The following HACD3 variants were observed in gnomAD, a reference collection of about 807,000 sequenced individuals.
HACD3 encodes very-long-chain (3R)-3-hydroxyacyl-CoA dehydratase 3.
HACD3 carries 30 observed loss-of-function variants against 55.2 expected under a neutral mutation model. The observed-to-expected ratio is 0.54, with a 90% CI of 0.41 to 0.74. The LOEUF is 0.74. HACD3 is among the 30% of genes least tolerant of loss of function. The pLI is 0.00. For missense variants in HACD3, 363 were observed against 440.1 expected (o/e 0.82, Z 1.57); for synonymous variants, 141 against 151.7 (o/e 0.93, Z 0.52).
chr15:65,548,534 T>A (rs1004496187), intron 1 of HACD3, among the ~76,000 whole-genome samples: 44 of 144,242 alleles, frequency 3.1e-4, no homozygotes, highest in African/African-American at 1.0e-3. Context: ...AAAAAAAAGA[T>A]GATTAAGATG....
intron 1 of HACD3, chr15:65,534,221 C>T (rs1279307826): frequency 1.3e-5 from 2 of 152,234 alleles, no homozygotes; most frequent in African/African-American, 4.8e-5. Flanking sequence ...GCATGACCCA[C>T]AGCTTATGTG....
chr15:65,573,883 A>G (rs2072375797), intron 10 of HACD3, among the ~76,000 whole-genome samples: 2 of 152,354 alleles, frequency 1.3e-5, no homozygotes, highest in South Asian at 2.1e-4. Context: ...ACTGATTATC[A>G]TACATAGAAC....
chr15:65,537,765 C>G (rs2071968982), intron 1 of HACD3, among the ~76,000 whole-genome samples: 1 of 104,280 alleles, frequency 9.6e-6, no homozygotes, highest in Non-Finnish European at 1.7e-5. Context: ...TGCACTCCAG[C>G]CTGGGCAATA....
chr15:65,551,509 G>C (rs2141212958), intron 1 of HACD3, among the ~76,000 whole-genome samples, 167 bp from the exon 2 acceptor site: 1 of 152,342 alleles, frequency 6.6e-6, no homozygotes, highest in Admixed American at 6.5e-5. Flanking sequence ...CAGACATAGA[G>C]AAAGCCTACA....
At position 65,530,604 on chromosome 15, in the gene HACD3, G is replaced by A. The variant is rs1043536952; in HGVS notation, c.-28G>A. ...GAGGCAGCGAGGCGCAGCGAGCCTA[G>A]CCTCCCCGCGCCCTGGGCAGTGTGG... On this transcript the variant is annotated 5_prime_UTR_variant, in exon 1 of 11. Transcript: ENST00000261875. 6.4e-7 allele frequency: 1 copy of A among 1,552,120 alleles called. No individual in the cohort carries two copies. The highest frequency in any genetic ancestry group is 1.4e-5 in the African/African-American group (1 of 72,662).
chr15:65,549,641 C>G (rs1042613961), intron 1 of HACD3, among the ~76,000 whole-genome samples: 3 of 150,518 alleles, frequency 2.0e-5, no homozygotes, highest in African/African-American at 7.3e-5. Flanking sequence ...CAAGACCCAC[C>G]AAAGGTGTAA....
chr15:65,547,990 CTG>C (rs975207425), intron 1 of HACD3, among the ~76,000 whole-genome samples: 16 of 152,146 alleles, frequency 1.1e-4, no homozygotes, highest in African/African-American at 3.6e-4. Flanking sequence ...AGGAAGGAAA[CTG>C]TTGATTCTGA....
chr15:65,573,607 CAA>C (rs11375279), intron 10 of HACD3, among the ~76,000 whole-genome samples: 1 of 144,390 alleles, frequency 6.9e-6, no homozygotes. Flanking sequence ...GACTCTGTCT[CAA>C]AAAAAAAAAA....
At chr15:65,572,410 T>TA in intron 10 of HACD3, 44 bp downstream of exon 10, 1 of 1,468,656 alleles carries the variant, frequency 6.8e-7, no homozygotes, top group South Asian at 1.3e-5. Flanking sequence ...TGTCACTTCT[T>TA]AGACAGTAGA....
Position 65,562,776 on chromosome 15 carries a change from C to A in HACD3, c.424C>A (p.Leu142Ile). 1 of 1,613,468 alleles carries A rather than the reference C, an allele frequency of 6.2e-7. No individual in the cohort carries two copies. The highest frequency in any genetic ancestry group is 2.2e-5 in the East Asian group (1 of 44,842). ...TACTGCTTTGCTTTGCTTTACAGCTCTTACAAACTTAAGGAAAGGATACCT... is the reference window on the plus strand; with the variant it reads ...TACTGCTTTGCTTTGCTTTACAGCTATTACAAACTTAAGGAAAGGATACCT... The part of the protein sequence containing the change: ...RLESEGSPET[L>I]TNLRKGYLFM... Residue 142 changes from leucine (L) to isoleucine (I), a missense_variant and splice_region_variant, in exon 6 of 11, where the codon CTT becomes ATT. Transcript: ENST00000261875.
Position 65,571,670 on chromosome 15 carries a change from CTT to C in HACD3, c.880+17_880+18del. ...TTGGCGGAAGGTACTCTCAGGGACT[CTT>C]AGCTTTCATAGCTTAGCTCCAGGGG... is the stretch of plus-strand genomic sequence containing the variant. On this transcript the variant is annotated intron_variant, in intron 9 of 10. Coordinates refer to ENST00000261875, the MANE Select transcript of HACD3 (RefSeq NM_016395.4). 1.9e-6 allele frequency: 3 copies of C among 1,586,826 alleles called. No homozygotes were observed. Among genetic ancestry groups the C allele is most frequent in the Non-Finnish European group, 2.6e-6 (3 of 1,155,688 alleles).
At chr15:65,554,150 G>C (rs1342829314) in intron 2 of HACD3, among the ~76,000 whole-genome samples, 1 of 152,196 alleles carries the variant, frequency 6.6e-6, no homozygotes, top group East Asian at 1.9e-4. Flanking sequence ...GTACCCTGCA[G>C]TCAAGATGAT....
intron 1 of HACD3, among the ~76,000 whole-genome samples, chr15:65,549,010 T>C (rs2072104898): frequency 6.6e-6 from 1 of 152,202 alleles, no homozygotes; most frequent in Admixed American, 6.5e-5. Context: ...TATAGGTGCA[T>C]GGCACCGGGC....
intron 8 of HACD3, among the ~76,000 whole-genome samples, chr15:65,570,566 G>T (rs2072338075): frequency 6.6e-6 from 1 of 152,194 alleles, no homozygotes; most frequent in African/African-American, 2.4e-5. Context: ...AGGTTGGATA[G>T]AACTAATTTA....
At chr15:65,563,811 A>G (rs2072265795) in intron 6 of HACD3, among the ~76,000 whole-genome samples, 1 of 152,160 alleles carries the variant, frequency 6.6e-6, no homozygotes, top group Admixed American at 6.5e-5. Context: ...CTCTACTAAA[A>G]TTACAAAAAT....
chr15:65,568,192 G>T (rs139745503), intron 7 of HACD3, among the ~76,000 whole-genome samples: 2 of 152,062 alleles, frequency 1.3e-5, no homozygotes, highest in Non-Finnish European at 2.9e-5. Context: ...AAAGTGCTGG[G>T]ATTACAGACG....
chr15:65,535,865 AT>A (rs1392877930), intron 1 of HACD3: 8 of 575,952 alleles, frequency 1.4e-5, no homozygotes, highest in South Asian at 8.4e-5. Flanking sequence ...CAATTTTTTA[AT>A]TTTTTTAGAG....
In HACD3 at chr15:65,577,256, T is replaced by G. The variant is rs921123072; in HGVS notation, c.*877T>G. 1 of 151,950 alleles carries G rather than the reference T, an allele frequency of 6.6e-6. No homozygotes were observed. The highest frequency in any genetic ancestry group is 2.4e-5 in the African/African-American group (1 of 41,338). 9.4% of individuals were successfully genotyped at this position (151,950 alleles called of 1,614,324 possible). A position where few individuals can be genotyped will look rare whatever the true frequency, so the allele number is the denominator to read the frequency against. On this transcript the variant is annotated 3_prime_UTR_variant, in exon 11 of 11. Coordinates refer to ENST00000261875, the MANE Select transcript of HACD3 (RefSeq NM_016395.4). ...CTTGGGCAACGTAGTGAGACCCCTA[T>G]CTCTACAAAAAATAAAAAAATTAGC... is the stretch of plus-strand genomic sequence containing the variant.
chr15:65,572,414 C>T, intron 10 of HACD3, 48 bp downstream of exon 10: 1 of 1,457,438 alleles, frequency 6.9e-7, no homozygotes, highest in Non-Finnish European at 9.2e-7. Flanking sequence ...ACTTCTTAGA[C>T]AGTAGAATTA....
Sources: allele counts gnomAD v4.1 joint callset (sites outside exome capture counted in the v4.1 genomes callset), GRCh38; gene constraint gnomAD v4.1.1; transcripts MANE v1.5; gene names NCBI Gene and HGNC (gene_info 2026-07-23, HGNC 2026-07-21).